Variants in BMP1 observed in about 807,000 individuals in gnomAD.
BMP1 encodes the protein bone morphogenetic protein 1.
In BMP1, 63 loss-of-function variants were observed where a neutral mutation model predicts 116.8. That is an observed-to-expected ratio of 0.54 (90% confidence interval 0.44 to 0.67). BMP1 has a LOEUF of 0.67. Ranked by LOEUF, BMP1 falls within the 30% of genes least tolerant of loss-of-function variation. The probability of loss-of-function intolerance (pLI) is 0.00; values close to 1 mark genes in which losing one functional copy is unlikely to be tolerated. For synonymous variants in BMP1, 536 were observed against 533.4 expected (o/e 1.00, Z -0.07); for missense variants, 1,183 against 1,358.9 (o/e 0.87, Z 2.04).
intron 15 of BMP1, chr8:22,201,009 C>CCCCCCCA: frequency 2.1e-6 from 1 of 486,862 alleles, no homozygotes; most frequent in Non-Finnish European, 3.6e-6. Flanking sequence ...CCCTGCCCCT[C>CCCCCCCA]AGATCCACCT....
Position 22,195,449 on chromosome 8 carries a change from C to T in BMP1, c.1640-13C>T. 1.3e-6 allele frequency: 2 copies of T among 1,593,352 alleles called. No individual in the cohort carries two copies. Among genetic ancestry groups the T allele is most frequent in the Non-Finnish European group, 1.7e-6 (2 of 1,173,026 alleles). ...TGCCTGGAGTCTGTGACACCCTTTC[C>T]TTCCCACCACAGAGGTGGACGAGTG... is the stretch of plus-strand genomic sequence containing the variant. On this transcript the variant is annotated splice_polypyrimidine_tract_variant and intron_variant, in intron 12 of 19. Coordinates refer to ENST00000306385, the MANE Select transcript of BMP1 (RefSeq NM_006129.5).
chr8:22,175,313 C>T (rs985399117), intron 2 of BMP1, among the ~76,000 whole-genome samples: 2 of 152,230 alleles, frequency 1.3e-5, no homozygotes, highest in East Asian at 1.9e-4. Flanking sequence ...GTTCTGAATG[C>T]TCCACAAATG....
intron 8 of BMP1, among the ~76,000 whole-genome samples, chr8:22,185,163 G>T (rs1187359234): frequency 1.3e-5 from 2 of 152,138 alleles, no homozygotes; most frequent in African/African-American, 2.4e-5. Context: ...GTTTTAAGAA[G>T]GGAATCAGCC....
intron 8 of BMP1, among the ~76,000 whole-genome samples, chr8:22,189,493 A>G (rs1169553537): frequency 6.8e-6 from 1 of 146,140 alleles, no homozygotes; most frequent in Non-Finnish European, 1.5e-5. Context: ...ATATAATATA[A>G]ATAATAAAAC....
chr8:22,178,659 C>G (rs982439589), intron 6 of BMP1, among the ~76,000 whole-genome samples: 1 of 152,154 alleles, frequency 6.6e-6, no homozygotes, highest in Admixed American at 6.5e-5. Flanking sequence ...GCCCCCATGC[C>G]CAGCTCCGAA....
chr8:22,200,967 C>G, intron 15 of BMP1: 1 of 709,122 alleles, frequency 1.4e-6, no homozygotes, highest in Admixed American at 2.5e-5. Flanking sequence ...CATGGCCACC[C>G]TGCATGTGTG....
intron 15 of BMP1, chr8:22,201,148 G>T: frequency 6.2e-7 from 1 of 1,613,100 alleles, no homozygotes; most frequent in South Asian, 1.1e-5. Context: ...CCCCCTCGGG[G>T]ACGCCCCCAC....
In BMP1 at chr8:22,179,574, C is replaced by T. The variant is rs758078708; in HGVS notation, c.837-131C>T. 292 of 1,517,026 alleles carry T rather than the reference C, an allele frequency of 1.9e-4. 1 individual carries two copies. The highest frequency in any genetic ancestry group is 6.9e-4 in the Middle Eastern group (3 of 4,360). The allele number at this position is 1,517,026 out of a possible 1,614,324, so 94.0% of individuals were successfully genotyped here. A position where few individuals can be genotyped will look rare whatever the true frequency, so the allele number is the denominator to read the frequency against. The stretch of plus-strand genomic sequence containing the variant: ...AATGACAGGGTGAGACGACTCCACC[C>T]GGCCCTGACCCTGCTGAGGAATGTC... On this transcript the variant is annotated intron_variant, in intron 6 of 19. Coordinates refer to ENST00000306385, the MANE Select transcript of BMP1 (RefSeq NM_006129.5). This position sits in a 1 kb window ranked among gnomAD's most constrained non-coding sequence, Gnocchi z 4.6.
intron 8 of BMP1, among the ~76,000 whole-genome samples, chr8:22,185,434 C>T (rs1055224891): frequency 3.3e-5 from 5 of 150,756 alleles, no homozygotes; most frequent in African/African-American, 1.2e-4. Flanking sequence ...CCAGCCTGGG[C>T]AACAGAGTAA....
Position 22,191,980 on chromosome 8 carries a change from C to G in BMP1, c.1078-69C>G. The stretch of plus-strand genomic sequence containing the variant: ...CTCGCGTAAGGCGGGCGGTGGTCAT[C>G]ATGGGGCTGGCAGAGGGCTGGTGCA... On this transcript the variant is annotated intron_variant, in intron 8 of 19. Transcript: ENST00000306385. 1.4e-5 allele frequency: 20 copies of G among 1,422,428 alleles called. No individual in the cohort carries two copies. In the South Asian group the frequency reaches 2.2e-4, roughly 16 times the overall value. 88.1% of individuals were successfully genotyped at this position (1,422,428 alleles called of 1,614,324 possible). A position where few individuals can be genotyped will look rare whatever the true frequency, so the allele number is the denominator to read the frequency against.
chr8:22,191,049 T>C (rs948587550), intron 8 of BMP1, among the ~76,000 whole-genome samples: 3 of 152,150 alleles, frequency 2.0e-5, no homozygotes, highest in Non-Finnish European at 4.4e-5. Flanking sequence ...TCTCTACCTG[T>C]TAAAATGCCC....
intron 16 of BMP1, among the ~76,000 whole-genome samples, chr8:22,203,066 G>A (rs1283914161): frequency 6.6e-6 from 1 of 152,148 alleles, no homozygotes; most frequent in Non-Finnish European, 1.5e-5. Flanking sequence ...GGCATCACCA[G>A]TATCCCCTAA....
intron 8 of BMP1, among the ~76,000 whole-genome samples, chr8:22,180,909 G>A (rs971611575): frequency 1.3e-5 from 2 of 152,158 alleles, no homozygotes; most frequent in African/African-American, 2.4e-5. Flanking sequence ...TCAGGTCTGG[G>A]TTCCCTTGGA....
chr8:22,192,678 G>T (rs899838870), intron 9 of BMP1, among the ~76,000 whole-genome samples: 1 of 152,218 alleles, frequency 6.6e-6, no homozygotes. Flanking sequence ...AGGATACTTT[G>T]TCCCGAGGAG....
intron 5 of BMP1, among the ~76,000 whole-genome samples, chr8:22,177,378 T>C (rs1166608072): frequency 6.6e-6 from 1 of 152,244 alleles, no homozygotes; most frequent in East Asian, 1.9e-4. Flanking sequence ...GTCCTGGTCC[T>C]GGACAGCGGT....
chr8:22,185,825 T>C (rs1828753371), intron 8 of BMP1, among the ~76,000 whole-genome samples: 1 of 146,374 alleles, frequency 6.8e-6, no homozygotes, highest in African/African-American at 2.6e-5. Context: ...TTTCACTGTC[T>C]TTCTTTTTTT....
At position 22,176,451 on chromosome 8, in the gene BMP1, G is replaced by A. The variant is rs770644552; in HGVS notation, c.434-82G>A. On this transcript the variant is annotated intron_variant, in intron 3 of 19. Coordinates refer to ENST00000306385, the MANE Select transcript of BMP1 (RefSeq NM_006129.5). Reference sequence around the variant, plus strand: ...TTCCTTTCCAGGCAGTCTGCCCTCAGAATGGCTGTGACTCTTCAGTGGTGG... The same window carrying A: ...TTCCTTTCCAGGCAGTCTGCCCTCAAAATGGCTGTGACTCTTCAGTGGTGG... 746 of 1,569,054 alleles carry A rather than the reference G, an allele frequency of 4.8e-4. 1 individual carries two copies. The highest frequency in any genetic ancestry group is 6.4e-4 in the Non-Finnish European group (729 of 1,144,832).
intron 15 of BMP1, among the ~76,000 whole-genome samples, chr8:22,198,264 A>G (rs1363278120): frequency 6.6e-6 from 1 of 152,210 alleles, no homozygotes; most frequent in Non-Finnish European, 1.5e-5. Context: ...CTCAGATCCA[A>G]TTAGCACATG....
chr8:22,171,899 G>A (rs528931166), intron 1 of BMP1, among the ~76,000 whole-genome samples: 22 of 152,296 alleles, frequency 1.4e-4, no homozygotes, highest in African/African-American at 5.3e-4. Context: ...CGAACATCCC[G>A]GAGTGCCTCC....
Sources: allele counts gnomAD v4.1 joint callset (sites outside exome capture counted in the v4.1 genomes callset), GRCh38; gene constraint gnomAD v4.1.1; non-coding constraint Gnocchi (gnomAD v3.1); transcripts MANE v1.5; gene names NCBI Gene and HGNC (gene_info 2026-07-23, HGNC 2026-07-21).